The following MYO1F variants were observed in gnomAD, a reference collection of about 807,000 sequenced individuals.
MYO1F encodes the protein unconventional myosin-If.
In MYO1F, 60 loss-of-function variants were observed where a neutral mutation model predicts 146.6. The observed-to-expected ratio is 0.41, with a 90% CI of 0.33 to 0.51. The LOEUF (loss-of-function observed/expected upper bound fraction) is 0.51, where lower values mean the gene tolerates loss of function less well. Among genes scored for constraint, MYO1F ranks in the 20% least tolerant of loss-of-function variants. The pLI is 0.25. For missense variants in MYO1F, 1,274 were observed against 1,534.3 expected (o/e 0.83, Z 2.83); for synonymous variants, 602 against 602.1 (o/e 1.00, Z 0.00).
chr19:8,561,103 A>G (rs12984227), intron 1 of MYO1F, among the ~76,000 whole-genome samples: 38,001 of 151,652 alleles, frequency 0.25, 5,561 homozygotes, highest in East Asian at 0.65. Flanking sequence ...GCTGATGTCT[A>G]TAACTCCTGG....
chr19:8,537,019 A>T lies in MYO1F; in HGVS notation c.1729T>A (p.Cys577Ser). 1 of 1,610,804 alleles carries T rather than the reference A, an allele frequency of 6.2e-7. No homozygotes were observed. The highest frequency in any genetic ancestry group is 8.5e-7 in the Non-Finnish European group (1 of 1,179,206). Residue 577 changes from cysteine (C) to serine (S), a missense_variant, in exon 17 of 28, where the codon TGC (cysteine) becomes AGC (serine). By Grantham distance (112) the Cys-to-Ser change is moderately radical (BLOSUM62 -1). Coordinates refer to ENST00000644032, the MANE Select transcript of MYO1F (RefSeq NM_012335.4). Reference protein sequence around the residue: ...ANDLVATLMRCTPHYIRCIKP... With the variant: ...ANDLVATLMRSTPHYIRCIKP... ...ATGCAGCGGATGTAGTGGGGTGTGCACCTCATCAGTGTGGCCACCAGGTCG... is the reference window on the plus strand; with the variant it reads ...ATGCAGCGGATGTAGTGGGGTGTGCTCCTCATCAGTGTGGCCACCAGGTCG...
chr19:8,523,948 G>A (rs545482627), intron 25 of MYO1F, among the ~76,000 whole-genome samples: 41 of 151,610 alleles, frequency 2.7e-4, no homozygotes, highest in Admixed American at 7.3e-4. Flanking sequence ...GTGAAACTCT[G>A]CCTCTACTAA....
intron 25 of MYO1F, among the ~76,000 whole-genome samples, chr19:8,523,255 G>A (rs1034766984): frequency 3.9e-5 from 6 of 152,112 alleles, no homozygotes; most frequent in East Asian, 3.9e-4. Flanking sequence ...GGATGGTCTC[G>A]ATCTCCTGAC....
At chr19:8,566,515 T>G (rs2042008106) in intron 1 of MYO1F, among the ~76,000 whole-genome samples, 1 of 149,124 alleles carries the variant, frequency 6.7e-6, no homozygotes, top group African/African-American at 2.5e-5. Flanking sequence ...TTTAATTTAA[T>G]TAATTTATTT....
intron 19 of MYO1F, among the ~76,000 whole-genome samples, chr19:8,535,710 C>T (rs899291128): frequency 2.0e-5 from 3 of 150,612 alleles, no homozygotes; most frequent in African/African-American, 7.3e-5. Context: ...GACGGAGTCT[C>T]GCTCTGTCGC....
At position 8,536,347 on chromosome 19, in the gene MYO1F, G is replaced by T; in HGVS notation, c.1948C>A (p.Arg650Ser). ...ETWPRWRGDE[R>S]QGVQHLLRAV... ...CGAAGCAGGTGCTGGACGCCCTGGC[G>T]TTCGTCCCCACGCCACCGCGGCCAC... The change falls in exon 19 of 28, where the codon CGC becomes AGC. Residue 650 changes from arginine to serine, a missense_variant. Arg to Ser is a moderately radical substitution (Grantham distance 110, BLOSUM62 -1). Coordinates refer to ENST00000644032, the MANE Select transcript of MYO1F (RefSeq NM_012335.4). The T allele has an allele frequency of 1.9e-6, 3 of 1,606,222 alleles. No homozygotes were observed. The highest frequency in any genetic ancestry group is 2.5e-6 in the Non-Finnish European group (3 of 1,179,796).
At chr19:8,541,364 G>T (rs1459341817) in intron 15 of MYO1F, among the ~76,000 whole-genome samples, 1 of 150,156 alleles carries the variant, frequency 6.7e-6, no homozygotes. Flanking sequence ...ACACTTTAAG[G>T]ATCCCCGTCT....
chr19:8,526,851 G>A lies in MYO1F; in HGVS notation c.2559C>T (p.Ser853=), dbSNP rs201718326. 23 of 1,614,014 alleles carry A rather than the reference G, an allele frequency of 1.4e-5. No individual in the cohort carries two copies. In the African/African-American group the frequency reaches 2.9e-4, roughly 21 times the overall value. The change falls in exon 23 of 28, where the codon AGC becomes AGT. Residue 853 remains serine (S), a synonymous_variant. Coordinates refer to ENST00000644032, the MANE Select transcript of MYO1F (RefSeq NM_012335.4). ...LESVFKTEFV[S]LLCKRFEEAT... The stretch of plus-strand genomic sequence containing the variant: ...CCTCCTCGAAGCGCTTGCACAGAAG[G>A]CTGACAAACTCGGTCTTGAAGACGC...
intron 1 of MYO1F, among the ~76,000 whole-genome samples, chr19:8,557,327 C>T (rs564863137): frequency 6.6e-6 from 1 of 152,210 alleles, no homozygotes; most frequent in South Asian, 2.1e-4. Flanking sequence ...GACAGGGTCT[C>T]ACTCTGTCAC....
chr19:8,522,861 T>G, intron 25 of MYO1F, 32 bp from the exon 26 acceptor site: 1 of 1,527,376 alleles, frequency 6.5e-7, no homozygotes, highest in African/African-American at 1.4e-5. Context: ...AGACATGTAT[T>G]AGGGTGATGC....
intron 12 of MYO1F, among the ~76,000 whole-genome samples, chr19:8,546,005 G>C (rs1973335327): frequency 6.7e-6 from 1 of 150,166 alleles, no homozygotes; most frequent in Non-Finnish European, 1.5e-5. Flanking sequence ...CAGTGCAGTT[G>C]CATTCCGGTT....
chr19:8,526,822 G>A lies in MYO1F; in HGVS notation c.2588C>T (p.Thr863Met). 2 of 1,613,454 alleles carry A rather than the reference G, an allele frequency of 1.2e-6. No individual in the cohort carries two copies. Among genetic ancestry groups the A allele is most frequent in the Non-Finnish European group, 1.7e-6 (2 of 1,179,808 alleles). The change falls in exon 23 of 28, where the codon ACG becomes ATG. Residue 863 changes from threonine (T) to methionine (M), a missense_variant. By Grantham distance (81) the Thr-to-Met change is moderately conservative. Transcript: ENST00000644032. The stretch of plus-strand genomic sequence containing the variant: ...GAAGGTGAGGGGCAGGGGCCTCCGC[G>A]TCGCCTCCTCGAAGCGCTTGCACAG... ...SLLCKRFEEA[T>M]RRPLPLTFSD...
At chr19:8,555,345 GGAA>G in intron 2 of MYO1F, 1 of 303,398 alleles carries the variant, frequency 3.3e-6, no homozygotes, top group South Asian at 3.0e-5. Flanking sequence ...ACTCCAGCCT[GGAA>G]CCTGGGCGAC....
intron 11 of MYO1F, 53 bp downstream of exon 11, chr19:8,548,184 C>T: frequency 6.2e-7 from 1 of 1,613,468 alleles, no homozygotes; most frequent in South Asian, 1.1e-5. Context: ...CTTGTGGCCA[C>T]CCTGGGCTGC....
chr19:8,536,982 T>G lies in MYO1F; in HGVS notation c.1766A>C (p.Glu589Ala), dbSNP rs1972752947. The G allele has an allele frequency of 6.2e-7, 1 of 1,613,198 alleles. No individual in the cohort carries two copies. Among genetic ancestry groups the G allele is most frequent in the East Asian group, 2.2e-5 (1 of 44,852 alleles). Residue 589 changes from glutamate to alanine, a missense_variant, in exon 17 of 28, where the codon GAG (glutamate) becomes GCG (alanine). By Grantham distance (107) the Glu-to-Ala change is moderately radical. Around this residue, in one of 2 missense-constraint regions of MYO1F, gnomAD observed 900 missense variants for 1,155.1 expected, o/e 0.78. Coordinates refer to ENST00000644032, the MANE Select transcript of MYO1F (RefSeq NM_012335.4). ...CTCCCAGTCTCGGGGCCTCTTGGTC[T>G]CGTTGGGTTTGATGCAGCGGATGTA... is the stretch of plus-strand genomic sequence containing the variant. ...PHYIRCIKPNETKRPRDWEEN... is the reference protein window; with the variant it reads ...PHYIRCIKPNATKRPRDWEEN...
intron 1 of MYO1F, among the ~76,000 whole-genome samples, chr19:8,563,292 C>T (rs909350642): frequency 9.2e-5 from 13 of 140,610 alleles, no homozygotes; most frequent in African/African-American, 2.7e-4. Context: ...TGTGCTTGGC[C>T]ACTTTTTTTT....
intron 12 of MYO1F, 53 bp downstream of exon 12, chr19:8,547,983 T>TC: frequency 6.6e-6 from 9 of 1,371,032 alleles, no homozygotes; most frequent in Admixed American, 1.7e-5. Flanking sequence ...TCATGGTCCT[T>TC]CCACCCCACC....
chr19:8,553,894 A>ACACACACACACTCTCT lies in MYO1F; in HGVS notation c.327-458_327-457insAGAGAGTGTGTGTGTG. ...CACACACACACACACACACACACAC[A>ACACACACACACTCTCT]CTCTCTCTCTCTCTCTCTCTCTCTC... On this transcript the variant is annotated intron_variant, in intron 4 of 27. Transcript: ENST00000644032. Among the ~76,000 whole-genome samples the ACACACACACACTCTCT allele has an allele frequency of 9.5e-3, 975 of 102,628 alleles. 13 individuals carry two copies. Among genetic ancestry groups the ACACACACACACTCTCT allele is most frequent in the Middle Eastern group, 0.019 (4 of 214 alleles). 67.3% of individuals were successfully genotyped at this position (102,628 alleles called of 152,430 possible).
At chr19:8,542,604 C>CT (rs61078650) in intron 14 of MYO1F, among the ~76,000 whole-genome samples, 1,587 of 136,856 alleles carry the variant, frequency 0.012, 11 homozygotes, top group Middle Eastern at 0.018. Context: ...TGTTTGTTTG[C>CT]TTTTTTTTTT....
Sources: gnomAD v4.1 joint callset for allele counts (sites outside exome capture counted in the v4.1 genomes callset) on GRCh38, gnomAD v4.1.1 for gene constraint, gnomAD v4.1.1 regional missense constraint, MANE v1.5 for transcripts, NCBI Gene and HGNC (gene_info 2026-07-23, HGNC 2026-07-21) for gene names.